Variants in SLC25A21 observed in about 807,000 individuals in gnomAD.
The protein encoded by SLC25A21 is mitochondrial 2-oxodicarboxylate carrier.
Under a neutral mutation model 43.8 loss-of-function variants are expected in SLC25A21, and 47 were observed. The observed-to-expected ratio is 1.07, with a 90% confidence interval of 0.85 to 1.37. SLC25A21 has a LOEUF of 1.37. SLC25A21 is among the 40% of genes most tolerant of loss of function. The probability of loss-of-function intolerance (pLI) is 0.00; values close to 1 mark genes in which losing one functional copy is unlikely to be tolerated. For synonymous variants in SLC25A21, 131 were observed against 121.3 expected (o/e 1.08, Z -0.52); for missense variants, 352 against 350.2 (o/e 1.00, Z -0.04).
intron 1 of SLC25A21, among the ~76,000 whole-genome samples, chr14:37,155,972 A>T (rs966715592): frequency 1.3e-5 from 2 of 152,080 alleles, no homozygotes; most frequent in Non-Finnish European, 2.9e-5. Context: ...CAGCCTGGCC[A>T]ATATGACGAA....
chr14:37,114,664 G>A (rs956930900), intron 1 of SLC25A21, among the ~76,000 whole-genome samples: 2 of 152,180 alleles, frequency 1.3e-5, no homozygotes, highest in Non-Finnish European at 2.9e-5. Flanking sequence ...GTGAGAAAGT[G>A]TGAGACAACC....
At chr14:36,946,864 A>G (rs1454243587) in intron 1 of SLC25A21, among the ~76,000 whole-genome samples, 1 of 152,106 alleles carries the variant, frequency 6.6e-6, no homozygotes. Flanking sequence ...CTGTGCTCAG[A>G]CCATGTTTTA....
intron 2 of SLC25A21, among the ~76,000 whole-genome samples, chr14:36,850,776 C>T (rs1180516352): frequency 6.6e-6 from 1 of 152,088 alleles, no homozygotes; most frequent in Non-Finnish European, 1.5e-5. Flanking sequence ...ACTATCCAGC[C>T]AAGAAGAGCA....
intron 4 of SLC25A21, 100 bp downstream of exon 4, chr14:36,734,407 G>T: frequency 2.7e-6 from 2 of 734,272 alleles, no homozygotes; most frequent in South Asian, 2.8e-5. Flanking sequence ...AAAATTTTTA[G>T]TGCTTTATAT....
In SLC25A21 at chr14:36,934,644, T is replaced by C. The variant is rs552485940; in HGVS notation, c.71-59640A>G. Among the ~76,000 whole-genome samples, 16 of 152,212 alleles carry C rather than the reference T, an allele frequency of 1.1e-4. No homozygotes were observed. The East Asian group carries it at 3.1e-3, about 29-fold the overall frequency. ...GGGTAAAAAGAAAGTGGTAGGATTC[T>C]GCTTCTAGTTTATAAAATATAGTTG... On this transcript the variant is annotated intron_variant, in intron 1 of 9. Coordinates refer to ENST00000331299, the MANE Select transcript of SLC25A21 (RefSeq NM_030631.4).
Position 37,040,374 on chromosome 14 carries a change from A to AAG in SLC25A21, c.70+131906_70+131907insCT, listed in dbSNP as rs1555343489. Among the ~76,000 whole-genome samples, 62 of 13,262 alleles carry AAG rather than the reference A, an allele frequency of 4.7e-3. 9 individuals carry two copies. The highest frequency in any genetic ancestry group is 7.3e-3 in the African/African-American group (6 of 822). 8.7% of individuals were successfully genotyped at this position (13,262 alleles called of 152,430 possible). A position where few individuals can be genotyped will look rare whatever the true frequency, so the allele number is the denominator to read the frequency against. On this transcript the variant is annotated intron_variant, in intron 1 of 9. Coordinates refer to ENST00000331299, the MANE Select transcript of SLC25A21 (RefSeq NM_030631.4). ...GAAGGAAAGAAAGAGAGAGAGAGAGAGAAAGAAAGAAAGAAAGAAAGAAAG... is the reference window on the plus strand; with the variant it reads ...GAAGGAAAGAAAGAGAGAGAGAGAGAAGGAAAGAAAGAAAGAAAGAAAGAAAG...
intron 2 of SLC25A21, chr14:36,870,940 G>A (rs551564500): frequency 1.2e-3 from 186 of 152,288 alleles, no homozygotes; most frequent in African/African-American, 4.1e-3. Flanking sequence ...GTGTGGTCAA[G>A]TGGCTAGTTC....
rs952813559 is a variant in SLC25A21 at position 36,940,587 on chromosome 14, A to G, written c.71-65583T>C. Among the ~76,000 whole-genome samples the G allele has an allele frequency of 3.9e-5, 6 of 152,190 alleles. No homozygotes were observed. The South Asian group carries it at 1.2e-3, about 32-fold the overall frequency. On this transcript the variant is annotated intron_variant, in intron 1 of 9. Transcript: ENST00000331299. ...ATAGCCTGGTCATTTTTTTCTAAAT[A>G]AAATAAGTCAGAAAGTTGCAAGCAA... is the stretch of plus-strand genomic sequence containing the variant.
intron 1 of SLC25A21, among the ~76,000 whole-genome samples, chr14:36,925,413 CA>C (rs1309163831): frequency 1.3e-5 from 2 of 152,104 alleles, no homozygotes; most frequent in Non-Finnish European, 2.9e-5. Context: ...ACTAATTATA[CA>C]AAACCATAAA....
At chr14:37,056,140 G>A (rs1207858789) in intron 1 of SLC25A21, among the ~76,000 whole-genome samples, 1 of 152,044 alleles carries the variant, frequency 6.6e-6, no homozygotes, top group Admixed American at 6.6e-5. Flanking sequence ...GTTTCCTCAG[G>A]CCTACCCAGA....
intron 7 of SLC25A21, among the ~76,000 whole-genome samples, chr14:36,689,406 C>A (rs1054600446): frequency 3.3e-5 from 5 of 150,732 alleles, no homozygotes; most frequent in Non-Finnish European, 6.0e-5. Flanking sequence ...TGTAGATGAG[C>A]TTTCCTGGGG....
At chr14:36,732,641 T>TAC (rs201139550) in intron 4 of SLC25A21, among the ~76,000 whole-genome samples, 1 of 151,990 alleles carries the variant, frequency 6.6e-6, no homozygotes, top group Non-Finnish European at 1.5e-5. Flanking sequence ...TACCAAAGAA[T>TAC]ACACACACAC....
intron 1 of SLC25A21, among the ~76,000 whole-genome samples, chr14:36,982,550 G>A (rs910293024): frequency 5.3e-5 from 8 of 151,854 alleles, no homozygotes; most frequent in Non-Finnish European, 1.2e-4. Context: ...TGGCTGTACC[G>A]GGTGCAGTAA....
chr14:36,881,000 G>T (rs941185780), intron 1 of SLC25A21, among the ~76,000 whole-genome samples: 2 of 152,158 alleles, frequency 1.3e-5, no homozygotes, highest in Non-Finnish European at 2.9e-5. Context: ...ATTGAGAAAG[G>T]CTTTACATGT....
rs142271241 is a variant in SLC25A21 at position 36,728,737 on chromosome 14, A to T, written c.330+770T>A. The stretch of plus-strand genomic sequence containing the variant: ...CAAATATTGTCCATTTCATTGGACA[A>T]ATGAGGGCATTTTCCTAGAGGCTGG... On this transcript the variant is annotated intron_variant, in intron 5 of 9. Transcript: ENST00000331299. 3.3e-4 allele frequency among the ~76,000 whole-genome samples: 50 copies of T among 152,304 alleles called. 1 individual carries two copies. The East Asian group carries it at 6.2e-3, about 19-fold the overall frequency.
At chr14:36,785,962 A>G (rs1382176013) in intron 3 of SLC25A21, among the ~76,000 whole-genome samples, 1 of 152,238 alleles carries the variant, frequency 6.6e-6, no homozygotes, top group Non-Finnish European at 1.5e-5. Flanking sequence ...TGATAAGTGA[A>G]GCATTTTGAT....
chr14:36,734,581 A>C lies in SLC25A21; in HGVS notation c.204-8T>G. ...TTGTAAAAACCAAATAACCTGTTGG[A>C]GAAATAAAAGATTTCCTATGAGTAA... On this transcript the variant is annotated splice_polypyrimidine_tract_variant and splice_region_variant and intron_variant, in intron 3 of 9. Transcript: ENST00000331299. 1 of 1,593,866 alleles carries C rather than the reference A, an allele frequency of 6.3e-7. No individual in the cohort carries two copies. The highest frequency in any genetic ancestry group is 2.3e-5 in the East Asian group (1 of 44,400).
chr14:36,793,533 CAA>C (rs35553282), intron 3 of SLC25A21, among the ~76,000 whole-genome samples: 8 of 125,890 alleles, frequency 6.4e-5, no homozygotes, highest in East Asian at 2.3e-4. Flanking sequence ...AAAATACAAC[CAA>C]AAAAAAAAAA....
At chr14:36,929,064 T>G (rs2138634158) in intron 1 of SLC25A21, among the ~76,000 whole-genome samples, 1 of 152,272 alleles carries the variant, frequency 6.6e-6, no homozygotes, top group South Asian at 2.1e-4. Context: ...CTAGCTACAT[T>G]AATATAATTA....
Sources: gnomAD v4.1 joint callset for allele counts (sites outside exome capture counted in the v4.1 genomes callset) on GRCh38, gnomAD v4.1.1 for gene constraint, MANE v1.5 for transcripts, NCBI Gene and HGNC (gene_info 2026-07-23, HGNC 2026-07-21) for gene names.